Variants in TRPM3 observed in about 807,000 individuals in gnomAD.
TRPM3 encodes the protein long transient receptor potential channel 3.
In TRPM3, 77 loss-of-function variants were observed where a neutral mutation model predicts 181.2. The ratio of observed to expected loss-of-function variants is 0.42; its 90% CI spans 0.35 to 0.51. The LOEUF is 0.51. Ranked by LOEUF, TRPM3 falls within the 20% of genes least tolerant of loss-of-function variation. The pLI, the probability that TRPM3 is intolerant of heterozygous loss-of-function variation, is 0.01. For synonymous variants in TRPM3, 745 were observed against 796.4 expected, an observed-to-expected ratio of 0.94 and a Z score of 1.09; for missense variants, 1,759 against 2,196.7, an observed-to-expected ratio of 0.80 and a Z score of 3.98.
At chr9:70,624,431 G>A (rs975482349) in intron 14 of TRPM3, among the ~76,000 whole-genome samples, 1 of 152,150 alleles carries the variant, frequency 6.6e-6, no homozygotes, top group African/African-American at 2.4e-5. Context: ...TAGTAGCTGG[G>A]ACCATGGCTG....
At chr9:70,839,283 T>C (rs35404307) in intron 5 of TRPM3, among the ~76,000 whole-genome samples, 8,663 of 152,214 alleles carry the variant, frequency 0.057, 257 homozygotes, top group Middle Eastern at 0.088. Context: ...GTTCTGAGAA[T>C]CCAAAGACAA....
intron 1 of TRPM3, among the ~76,000 whole-genome samples, chr9:71,424,562 GTTTACTCTGGTT>G (rs1381672753): frequency 6.6e-6 from 1 of 151,938 alleles, no homozygotes. Flanking sequence ...ACAATGTTAG[GTTTACTCTGGTT>G]TCCTCTTATT....
chr9:71,155,481 T>TTTTTTTTTTATTTTATTTTATTTTA (rs2075949158), intron 1 of TRPM3, among the ~76,000 whole-genome samples: 2 of 128,934 alleles, frequency 1.6e-5, no homozygotes, highest in South Asian at 2.6e-4. Flanking sequence ...ACCATGCTTA[T>TTTTTTTTTTATTTTATTTTATTTTA]TTTTATTTTA....
rs1554775917 is a variant in TRPM3 at position 70,606,651 on chromosome 9, G to GTATATATA, written c.2668-3189_2668-3182dup. Among the ~76,000 whole-genome samples, 95 of 140,740 alleles carry GTATATATA rather than the reference G, an allele frequency of 6.8e-4. 1 individual carries two copies. The highest frequency in any genetic ancestry group is 2.1e-3 in the African/African-American group (80 of 38,296). 92.3% of individuals were successfully genotyped at this position (140,740 alleles called of 152,430 possible). ...TAATTGTGTGTGTGTGTGTGTGTGTGTATATATATATATATATGTATACTC... is the reference window on the plus strand; with the variant it reads ...TAATTGTGTGTGTGTGTGTGTGTGTGTATATATATATATATATATATATATGTATACTC... On this transcript the variant is annotated intron_variant, in intron 19 of 25. Coordinates refer to ENST00000677713, the MANE Select transcript of TRPM3 (RefSeq NM_001366145.2).
chr9:70,621,112 TTATATATAG>T (rs2063566514), intron 15 of TRPM3, 123 bp downstream of exon 15: 1 of 221,458 alleles, frequency 4.5e-6, no homozygotes, highest in African/African-American at 2.4e-5. Context: ...TATATATATA[TTATATATAG>T]TATATATATT....
chr9:70,805,713 G>GA (rs1297724442), intron 6 of TRPM3, among the ~76,000 whole-genome samples: 4 of 151,920 alleles, frequency 2.6e-5, no homozygotes, highest in African/African-American at 9.7e-5. Context: ...CTTGAATAAT[G>GA]AAAAAAATAA....
At chr9:71,104,373 C>T (rs592029) in intron 1 of TRPM3, among the ~76,000 whole-genome samples, 33,012 of 152,118 alleles carry the variant, frequency 0.22, 4,412 homozygotes, top group East Asian at 0.32. Flanking sequence ...AGCTAATTTG[C>T]TTTTATTTAC....
chr9:71,294,487 A>G (rs1163898653), intron 1 of TRPM3, among the ~76,000 whole-genome samples: 3 of 152,108 alleles, frequency 2.0e-5, no homozygotes, highest in Non-Finnish European at 4.4e-5. Context: ...AATATTGAGG[A>G]GGATATAAAG....
At chr9:71,403,775 A>G (rs1235862081) in intron 1 of TRPM3, among the ~76,000 whole-genome samples, 4 of 151,904 alleles carry the variant, frequency 2.6e-5, no homozygotes, top group African/African-American at 9.7e-5. Flanking sequence ...TCTCATTGTC[A>G]GTCTTCAGGA....
chr9:71,016,779 G>C (rs1189506597), intron 1 of TRPM3, among the ~76,000 whole-genome samples: 1 of 152,032 alleles, frequency 6.6e-6, no homozygotes, highest in Non-Finnish European at 1.5e-5. Flanking sequence ...CCCAGACGTG[G>C]AATTGGTAAT....
At position 71,100,055 on chromosome 9, in the gene TRPM3, T is replaced by G. The variant is rs1161000588; in HGVS notation, c.177+21123A>C. On this transcript the variant is annotated intron_variant, in intron 1 of 25. Coordinates refer to ENST00000677713, the MANE Select transcript of TRPM3 (RefSeq NM_001366145.2). Reference sequence around the variant, plus strand: ...GAAGTTTTTCCTGACACAGTCTGACTTCAGATCTTATTGGTCACATCTCAA... The same window carrying G: ...GAAGTTTTTCCTGACACAGTCTGACGTCAGATCTTATTGGTCACATCTCAA... Among the ~76,000 whole-genome samples the G allele has an allele frequency of 2.6e-5, 4 of 152,196 alleles. No individual in the cohort carries two copies. The East Asian group carries it at 7.7e-4, about 29-fold the overall frequency.
At chr9:70,694,717 T>C (rs2069742075) in intron 8 of TRPM3, among the ~76,000 whole-genome samples, 1 of 152,190 alleles carries the variant, frequency 6.6e-6, no homozygotes, top group South Asian at 2.1e-4. Flanking sequence ...CCTGACCTCG[T>C]GATCCACCCG....
chr9:71,073,136 C>T (rs1351336818), intron 1 of TRPM3, among the ~76,000 whole-genome samples: 7 of 152,224 alleles, frequency 4.6e-5, no homozygotes, highest in Non-Finnish European at 1.0e-4. Flanking sequence ...TAGTGATGGT[C>T]TCAAGTAGTA....
At chr9:70,660,826 T>C (rs1248348355) in intron 9 of TRPM3, among the ~76,000 whole-genome samples, 2 of 152,100 alleles carry the variant, frequency 1.3e-5, no homozygotes, top group African/African-American at 2.4e-5. Flanking sequence ...CAGGACTAGA[T>C]GGATTTACAG....
intron 1 of TRPM3, among the ~76,000 whole-genome samples, chr9:71,442,275 G>A (rs1324049260): frequency 1.3e-5 from 2 of 152,156 alleles, no homozygotes; most frequent in Non-Finnish European, 1.5e-5. Context: ...TGCTGTCTAA[G>A]GTTGAAAAAC....
intron 1 of TRPM3, among the ~76,000 whole-genome samples, chr9:71,033,283 G>T (rs935921662): frequency 2.0e-5 from 3 of 152,166 alleles, no homozygotes; most frequent in Admixed American, 6.5e-5. Flanking sequence ...AAGGTCCCTG[G>T]GACACGGCTG....
At chr9:71,271,081 A>G (rs2083753131) in intron 1 of TRPM3, among the ~76,000 whole-genome samples, 1 of 152,178 alleles carries the variant, frequency 6.6e-6, no homozygotes, top group Non-Finnish European at 1.5e-5. Context: ...CACGAGATAG[A>G]ATAAATGTTT....
intron 9 of TRPM3, among the ~76,000 whole-genome samples, chr9:70,664,130 A>G (rs989119388): frequency 2.6e-5 from 4 of 152,244 alleles, no homozygotes; most frequent in African/African-American, 9.6e-5. Context: ...AAATAATGCC[A>G]CTGCCATGCA....
intron 19 of TRPM3, among the ~76,000 whole-genome samples, chr9:70,604,315 A>G (rs1273826545): frequency 6.6e-6 from 1 of 152,162 alleles, no homozygotes; most frequent in African/African-American, 2.4e-5. Flanking sequence ...TGGCTCTTGC[A>G]TAAGGGGCTG....
Sources: allele counts gnomAD v4.1 joint callset (sites outside exome capture counted in the v4.1 genomes callset), GRCh38; gene constraint gnomAD v4.1.1; transcripts MANE v1.5; gene names NCBI Gene and HGNC (gene_info 2026-07-23, HGNC 2026-07-21).